Variants in AOX1 observed in about 807,000 individuals in gnomAD.
AOX1 encodes aldehyde oxidase 1, also known as aldehyde oxidase.
A neutral mutation model predicts 169.5 loss-of-function variants in AOX1; 153 were observed. The observed-to-expected ratio is 0.90, with a 90% CI of 0.79 to 1.03. The LOEUF (loss-of-function observed/expected upper bound fraction) is 1.03. Among genes scored for constraint, AOX1 ranks in the 50% least tolerant of loss-of-function variants. AOX1 has a pLI of 0.00. For missense variants in AOX1, 1,656 were observed against 1,663.9 expected (o/e 1.00, Z 0.08); for synonymous variants, 562 against 581.9 (o/e 0.97, Z 0.49).
chr2:200,608,940 C>T, intron 10 of AOX1, 44 bp from the exon 11 acceptor site: 1 of 1,572,530 alleles, frequency 6.4e-7, no homozygotes, highest in Non-Finnish European at 8.7e-7. Context: ...ATTTTCAGAT[C>T]AGCAGTGATC....
intron 24 of AOX1, among the ~76,000 whole-genome samples, chr2:200,642,346 C>G (rs1391919590): frequency 1.3e-5 from 2 of 151,856 alleles, no homozygotes; most frequent in Admixed American, 1.3e-4. Flanking sequence ...TATCAAAGGC[C>G]TTTGTATATA....
At chr2:200,682,079 T>C in the AOX1 span, among the ~76,000 whole-genome samples, 1 of 152,204 alleles carries the variant, frequency 6.6e-6, no homozygotes, top group Non-Finnish European at 1.5e-5. Context: ...TTAAAAATGA[T>C]ATTTCCACTG....
intron 31 of AOX1, among the ~76,000 whole-genome samples, chr2:200,663,545 A>AACACACACACACAC (rs530782102): frequency 1.7e-5 from 2 of 117,810 alleles, no homozygotes; most frequent in African/African-American, 5.9e-5. Context: ...CATACACACA[A>AACACACACACACAC]ACACACACAC....
intron 20 of AOX1, among the ~76,000 whole-genome samples, chr2:200,631,686 A>T (rs1289331853): frequency 2.0e-5 from 3 of 152,212 alleles, no homozygotes; most frequent in Non-Finnish European, 4.4e-5. Context: ...AGTGCAATAT[A>T]ACAGGTTTCT....
At chr2:200,646,730 G>C (rs1357691602) in intron 25 of AOX1, among the ~76,000 whole-genome samples, 1 of 152,002 alleles carries the variant, frequency 6.6e-6, no homozygotes, top group Non-Finnish European at 1.5e-5. Context: ...TTATAAATTT[G>C]GGAGCTCCAG....
rs1179121185 is a variant in AOX1 at position 200,658,549 on chromosome 2, A to G, written c.3172-616A>G. The stretch of plus-strand genomic sequence containing the variant: ...AGCTGTGGGCAAGCACTTTCAAGCC[A>G]TGCTGCTAGCAGGAGAGAGGCAAGT... On this transcript the variant is annotated intron_variant, in intron 27 of 34. Transcript: ENST00000374700. Among the ~76,000 whole-genome samples the G allele has an allele frequency of 1.2e-4, 18 of 152,234 alleles. 1 individual carries two copies. Among genetic ancestry groups the G allele is most frequent in the Admixed American group, 1.2e-3 (18 of 15,288 alleles).
chr2:200,649,066 C>T (rs2035525642), intron 25 of AOX1, among the ~76,000 whole-genome samples: 1 of 152,144 alleles, frequency 6.6e-6, no homozygotes, highest in Non-Finnish European at 1.5e-5. Context: ...GGAGTCTGCA[C>T]ACCAGATTTG....
downstream of AOX1, among the ~76,000 whole-genome samples, chr2:200,671,865 C>T (rs953847826): frequency 1.3e-5 from 2 of 152,176 alleles, no homozygotes; most frequent in African/African-American, 4.8e-5. Context: ...GTATACATAA[C>T]TGTTCATAGC....
Position 200,634,811 on chromosome 2 carries a change from C to A in AOX1, c.2242C>A (p.Gln748Lys). 1 of 1,613,978 alleles carries A rather than the reference C, an allele frequency of 6.2e-7. No homozygotes were observed. The highest frequency in any genetic ancestry group is 1.1e-5 in the South Asian group (1 of 91,078). ...ILEGEIHMGG[Q>K]EHFYMETQSM... ...AACAGGTGAAATACATATGGGAGGT[C>A]AAGAACATTTTTATATGGAAACCCA... Residue 748 changes from glutamine to lysine, a missense_variant, in exon 21 of 35, where the codon CAA becomes AAA. Physicochemically the swap from Gln to Lys is moderately conservative, Grantham distance 53. Transcript: ENST00000374700.
downstream of AOX1, chr2:200,677,068 T>C (rs1194448561): frequency 2.7e-6 from 1 of 376,882 alleles, no homozygotes; most frequent in African/African-American, 2.2e-5. Context: ...AAAGAAACCA[T>C]GATAGAAGCA....
intron 10 of AOX1, among the ~76,000 whole-genome samples, 128 bp from the exon 11 acceptor site, chr2:200,608,828 TCACCATCACCACCATCACTGCCCATCAC>T (rs1367299662): frequency 1.3e-5 from 2 of 152,076 alleles, no homozygotes; most frequent in Non-Finnish European, 2.9e-5. Context: ...ATTACCTTCA[TCACCATCACCACCATCACTGCCCATCAC>T]CACCATCACC....
chr2:200,595,167 TTAAC>T, intron 2 of AOX1, 101 bp from the exon 3 acceptor site: 1 of 652,420 alleles, frequency 1.5e-6, no homozygotes. Flanking sequence ...TGTATTGAAC[TTAAC>T]TAACATTTAA....
chr2:200,600,620 A>G (rs2034393863), intron 5 of AOX1, among the ~76,000 whole-genome samples: 3 of 152,152 alleles, frequency 2.0e-5, no homozygotes, highest in South Asian at 4.1e-4. Flanking sequence ...GCTAGAGAAC[A>G]TGAGCCTAAA....
chr2:200,634,782 C>T lies in AOX1; in HGVS notation c.2222-9C>T, dbSNP rs1412386547. On this transcript the variant is annotated splice_polypyrimidine_tract_variant and intron_variant, in intron 20 of 34. Transcript: ENST00000374700. ...GCTTCCTTGACTTTTATGTATTTTC[C>T]TGTAACAGGTGAAATACATATGGGA... 2 of 1,613,466 alleles carry T rather than the reference C, an allele frequency of 1.2e-6. No individual in the cohort carries two copies. The highest frequency in any genetic ancestry group is 1.7e-6 in the Non-Finnish European group (2 of 1,179,754).
chr2:200,656,729 TG>T (rs915532533), intron 26 of AOX1, 112 bp from the exon 27 acceptor site: 14 of 685,486 alleles, frequency 2.0e-5, no homozygotes, highest in Admixed American at 3.6e-5. Flanking sequence ...TGCTCCACCC[TG>T]GGGGGTGCGG....
chr2:200,607,796 A>C (rs1012290627), intron 10 of AOX1, among the ~76,000 whole-genome samples: 31 of 152,212 alleles, frequency 2.0e-4, no homozygotes, highest in Non-Finnish European at 3.8e-4. Context: ...CATAAAAAAG[A>C]ATGAGATCAT....
intron 3 of AOX1, among the ~76,000 whole-genome samples, chr2:200,596,391 T>C (rs2106367588): frequency 6.6e-6 from 1 of 152,332 alleles, no homozygotes. Flanking sequence ...CTCTGTGAAG[T>C]CTGAGTACCT....
chr2:200,631,275 A>G (rs1215556042), intron 20 of AOX1, among the ~76,000 whole-genome samples: 1 of 152,136 alleles, frequency 6.6e-6, no homozygotes, highest in Non-Finnish European at 1.5e-5. Flanking sequence ...AGTTTTCCCA[A>G]CTCCAAAGTT....
chr2:200,641,003 G>T, intron 23 of AOX1, 95 bp from the exon 24 acceptor site: 1 of 794,140 alleles, frequency 1.3e-6, no homozygotes, highest in South Asian at 1.5e-5. Context: ...CCAATGTCAT[G>T]ACGCTTTTCC....
Sources: allele counts gnomAD v4.1 joint callset (sites outside exome capture counted in the v4.1 genomes callset), GRCh38; gene constraint gnomAD v4.1.1; transcripts MANE v1.5; gene names NCBI Gene and HGNC (gene_info 2026-07-23, HGNC 2026-07-21).